FHOD3: variants seen among roughly 807,000 people sequenced by gnomAD.
FHOD3 encodes formin homology 2 domain containing 3, also known as FH1/FH2 domain-containing protein 3.
Under a neutral mutation model 173.0 loss-of-function variants are expected in FHOD3, and 90 were observed. The ratio of observed to expected loss-of-function variants is 0.52; its 90% CI spans 0.44 to 0.62. FHOD3 has a LOEUF of 0.62. Among genes scored for constraint, FHOD3 ranks in the 20% least tolerant of loss-of-function variants. FHOD3 has a pLI of 0.00. For missense variants in FHOD3, 1,945 were observed against 2,034.7 expected (o/e 0.96, Z 0.85); for synonymous variants, 828 against 823.0 (o/e 1.01, Z -0.10).
At chr18:36,697,328 G>A (rs946812853) in intron 17 of FHOD3, among the ~76,000 whole-genome samples, 1 of 152,156 alleles carries the variant, frequency 6.6e-6, no homozygotes. Context: ...TCTTGTAAAC[G>A]AGTCCCTCCT....
chr18:36,685,247 T>C (rs892823298), intron 15 of FHOD3, among the ~76,000 whole-genome samples: 21 of 152,336 alleles, frequency 1.4e-4, no homozygotes, highest in Admixed American at 1.1e-3. Flanking sequence ...TAACTTGTCA[T>C]TTAAGAACAC....
intron 27 of FHOD3, 145 bp from the exon 28 acceptor site, chr18:36,769,120 T>G: frequency 1.1e-6 from 1 of 907,112 alleles, no homozygotes; most frequent in Non-Finnish European, 1.7e-6. Flanking sequence ...GCCCTCTGGA[T>G]CTATCACTAG....
At chr18:36,466,820 A>G (rs1308053841) in intron 3 of FHOD3, among the ~76,000 whole-genome samples, 2 of 151,278 alleles carry the variant, frequency 1.3e-5, no homozygotes, top group East Asian at 3.9e-4. Context: ...GTTAAGTAAG[A>G]TGTTATCTTT....
intron 16 of FHOD3, among the ~76,000 whole-genome samples, chr18:36,688,604 C>T (rs1442504514): frequency 6.6e-6 from 1 of 152,178 alleles, no homozygotes; most frequent in Non-Finnish European, 1.5e-5. Context: ...ATCACATATA[C>T]TTTCACTGAA....
intron 3 of FHOD3, among the ~76,000 whole-genome samples, chr18:36,479,244 A>T (rs1402497681): frequency 6.6e-6 from 1 of 152,274 alleles, no homozygotes; most frequent in Non-Finnish European, 1.5e-5. Context: ...AAAAATTTAA[A>T]GAAGTTTATC....
chr18:36,777,182 A>ACTTCTT (rs200302533), intron 28 of FHOD3, among the ~76,000 whole-genome samples: 1 of 147,352 alleles, frequency 6.8e-6, no homozygotes, highest in African/African-American at 2.5e-5. Flanking sequence ...AGCATGAACT[A>ACTTCTT]CTTCTTCTTC....
intron 18 of FHOD3, among the ~76,000 whole-genome samples, chr18:36,713,662 A>G (rs1163642918): frequency 6.6e-6 from 1 of 152,220 alleles, no homozygotes; most frequent in Non-Finnish European, 1.5e-5. Flanking sequence ...TGTTTGTAAC[A>G]AAAAGAAAAG....
rs1327865372 is a variant in FHOD3 at position 36,375,323 on chromosome 18, A to G, written c.337+2579A>G. On this transcript the variant is annotated intron_variant, in intron 3 of 28. Coordinates refer to ENST00000590592, the MANE Select transcript of FHOD3 (RefSeq NM_001281740.3). ...TATTTCCCTCTTTACCACAGAAGAA[A>G]TAGTTGAAATATTAATGCTACAGGC... Among the ~76,000 whole-genome samples the G allele has an allele frequency of 2.0e-5, 3 of 152,226 alleles. No individual in the cohort carries two copies. The East Asian group carries it at 5.8e-4, about 29-fold the overall frequency.
chr18:36,731,808 G>A (rs1302663589), intron 20 of FHOD3, among the ~76,000 whole-genome samples: 4 of 152,348 alleles, frequency 2.6e-5, no homozygotes, highest in East Asian at 1.9e-4. Flanking sequence ...CACACAGTAC[G>A]TAGAGGGGTC....
At chr18:36,371,483 A>T (rs2047184348) in intron 2 of FHOD3, among the ~76,000 whole-genome samples, 1 of 152,154 alleles carries the variant, frequency 6.6e-6, no homozygotes. Context: ...CATGAGACTT[A>T]TTCACTATCA....
At chr18:36,581,982 A>G (rs1054565165) in intron 6 of FHOD3, among the ~76,000 whole-genome samples, 4 of 152,202 alleles carry the variant, frequency 2.6e-5, no homozygotes, top group African/African-American at 9.7e-5. Context: ...TTTGAGGACT[A>G]GCCTTCTAGG....
rs377718629 is a variant in FHOD3 at position 36,763,027 on chromosome 18, TTATATA to T, written c.4624+2248_4624+2253del. ...ACGTTATATATGCGTATTATACACT[TTATATA>T]TAATATGCGTATTATACACGTTATA... On this transcript the variant is annotated intron_variant, in intron 27 of 28. Transcript: ENST00000590592. 3.1e-5 allele frequency among the ~76,000 whole-genome samples: 4 copies of T among 130,592 alleles called. No individual in the cohort carries two copies. The Admixed American group carries it at 3.2e-4, about 10-fold the overall frequency. The allele number at this position is 130,592 out of a possible 152,430, so 85.7% of individuals were successfully genotyped here. A position where few individuals can be genotyped will look rare whatever the true frequency, so the allele number is the denominator to read the frequency against.
At chr18:36,490,319 G>A (rs908576715) in intron 3 of FHOD3, among the ~76,000 whole-genome samples, 2 of 152,180 alleles carry the variant, frequency 1.3e-5, no homozygotes, top group African/African-American at 4.8e-5. Context: ...CGTGGACTTT[G>A]CTGGGGCCCC....
At chr18:36,476,266 A>G (rs1356647399) in intron 3 of FHOD3, among the ~76,000 whole-genome samples, 1 of 152,182 alleles carries the variant, frequency 6.6e-6, no homozygotes, top group African/African-American at 2.4e-5. Flanking sequence ...GGAGCGTCTC[A>G]CAGGCTGTCA....
rs1371010151 is a variant in FHOD3, at chr18:36,611,954, G to A, written c.816G>A (p.Thr272=). 14 of 1,613,332 alleles carry A rather than the reference G, an allele frequency of 8.7e-6. No homozygotes were observed. The highest frequency in any genetic ancestry group is 1.7e-4 in the Middle Eastern group (1 of 6,052). ...LVYAMTLVNK[T]LSGLPDQDTF... ...AGCTGGTTCTTCTCTTCTTCCAGAC[G>A]TTATCAGGACTACCAGACCAAGACA... Residue 272 remains threonine (T), a splice_region_variant and synonymous_variant, in exon 9 of 29, where the codon ACG becomes ACA. Transcript: ENST00000590592.
At chr18:36,476,814 G>A (rs1275418332) in intron 3 of FHOD3, among the ~76,000 whole-genome samples, 1 of 152,112 alleles carries the variant, frequency 6.6e-6, no homozygotes, top group Non-Finnish European at 1.5e-5. Context: ...TCAGTGTGGG[G>A]GCATGAAGGT....
chr18:36,773,150 G>A (rs1050052482), intron 28 of FHOD3, among the ~76,000 whole-genome samples: 9 of 152,220 alleles, frequency 5.9e-5, no homozygotes, highest in Non-Finnish European at 1.3e-4. Context: ...AGAGGCAGAT[G>A]CAAGAAGCAA....
intron 3 of FHOD3, among the ~76,000 whole-genome samples, chr18:36,430,536 T>G (rs919376817): frequency 6.6e-6 from 1 of 152,256 alleles, no homozygotes; most frequent in Non-Finnish European, 1.5e-5. Context: ...TTTAAAATTT[T>G]AAAAATGTTT....
chr18:36,380,923 TAGAA>T (rs2047750707), intron 3 of FHOD3, among the ~76,000 whole-genome samples: 1 of 152,056 alleles, frequency 6.6e-6, no homozygotes, highest in South Asian at 2.1e-4. Flanking sequence ...AGCAGGGGCT[TAGAA>T]AGGGGGTCCA....
Sources: allele counts gnomAD v4.1 joint callset (sites outside exome capture counted in the v4.1 genomes callset), GRCh38; gene constraint gnomAD v4.1.1; transcripts MANE v1.5; gene names NCBI Gene and HGNC (gene_info 2026-07-23, HGNC 2026-07-21).